The following SMOC2 variants were observed in gnomAD, a reference collection of about 807,000 sequenced individuals.
The protein encoded by SMOC2 is SPARC related modular calcium binding 2.
In SMOC2, 39 loss-of-function variants were observed where a neutral mutation model predicts 61.4. That is an observed-to-expected ratio of 0.64 (90% CI 0.49 to 0.83). The LOEUF (loss-of-function observed/expected upper bound fraction) is 0.83. Among genes scored for constraint, SMOC2 ranks in the 40% least tolerant of loss-of-function variants. The pLI is 0.00. For missense variants in SMOC2, 556 were observed against 592.9 expected (o/e 0.94, Z 0.65); for synonymous variants, 247 against 239.9 (o/e 1.03, Z -0.27).
intron 1 of SMOC2, among the ~76,000 whole-genome samples, chr6:168,455,901 C>T (rs1176262215): frequency 1.3e-5 from 2 of 152,248 alleles, no homozygotes; most frequent in Admixed American, 1.3e-4. Flanking sequence ...TAGGGTGACC[C>T]GCTCCGTGAA....
In SMOC2 at chr6:168,475,795, G is replaced by A. The variant is rs113771893; in HGVS notation, c.85-34120G>A. Among the ~76,000 whole-genome samples, 1 of 152,080 alleles carries A rather than the reference G, an allele frequency of 6.6e-6. No homozygotes were observed. The highest frequency in any genetic ancestry group is 2.4e-5 in the African/African-American group (1 of 41,438). On this transcript the variant is annotated intron_variant, in intron 1 of 12. Coordinates refer to ENST00000356284, the MANE Select transcript of SMOC2 (RefSeq NM_001166412.2). The surrounding 1 kb of genome is among the most constrained non-coding windows in gnomAD (Gnocchi z 4.6). ...GGCAGGAGAGGGAGACAACGTCTCC[G>A]GAGCCAGTGGGTGGGAGCCGCAGGG...
At chr6:168,612,661 A>G (rs1173653012) in intron 9 of SMOC2, among the ~76,000 whole-genome samples, 3 of 152,200 alleles carry the variant, frequency 2.0e-5, no homozygotes, top group African/African-American at 7.2e-5. Context: ...CTGCTGAGTG[A>G]GAGGGGAAAA....
chr6:168,557,976 C>G (rs1229885362), intron 7 of SMOC2, among the ~76,000 whole-genome samples: 1 of 152,248 alleles, frequency 6.6e-6, no homozygotes, highest in Non-Finnish European at 1.5e-5. Flanking sequence ...GACAGGCACA[C>G]TCAGTTCCAG....
At position 168,483,991 on chromosome 6, in the gene SMOC2, G is replaced by T. The variant is rs1288034182; in HGVS notation, c.85-25924G>T. On this transcript the variant is annotated intron_variant, in intron 1 of 12. Transcript: ENST00000356284. ...AAGACCTAAAACTGTGAAACTCCTG[G>T]AAGAAAGCATAGGACAATAGCTTCA... is the stretch of plus-strand genomic sequence containing the variant. 2.0e-5 allele frequency among the ~76,000 whole-genome samples: 3 copies of T among 152,128 alleles called. No individual in the cohort carries two copies. In the East Asian group the frequency reaches 5.8e-4, roughly 29 times the overall value.
chr6:168,442,804 G>T (rs1781247274), intron 1 of SMOC2, among the ~76,000 whole-genome samples: 1 of 152,108 alleles, frequency 6.6e-6, no homozygotes, highest in Non-Finnish European at 1.5e-5. Context: ...AAATTCTTCT[G>T]CAGCAGCCCG....
rs769098630 is a variant in SMOC2, at chr6:168,652,937, A to G, written c.1011-17A>G. The G allele has an allele frequency of 1.9e-6, 3 of 1,610,010 alleles. No individual in the cohort carries two copies. The highest frequency in any genetic ancestry group is 2.5e-6 in the Non-Finnish European group (3 of 1,178,148). On this transcript the variant is annotated splice_polypyrimidine_tract_variant and intron_variant, in intron 10 of 12. Transcript: ENST00000356284. ...CCAGGGGTTTAAGCATCCTGACGGCATCTGTGTTCCTTCCAGGCTCTCAGA... is the reference window on the plus strand; with the variant it reads ...CCAGGGGTTTAAGCATCCTGACGGCGTCTGTGTTCCTTCCAGGCTCTCAGA...
chr6:168,603,091 G>A (rs1026944844), intron 8 of SMOC2, among the ~76,000 whole-genome samples: 5 of 150,962 alleles, frequency 3.3e-5, no homozygotes, highest in African/African-American at 9.7e-5. Flanking sequence ...CATGAGATCC[G>A]ATGGTTTTAT....
intron 9 of SMOC2, among the ~76,000 whole-genome samples, chr6:168,608,760 C>G (rs1216310628): frequency 1.3e-5 from 2 of 152,146 alleles, no homozygotes. Context: ...AATGCAGTCA[C>G]AAAAAGACGT....
At chr6:168,602,280 G>C (rs1264300001) in intron 8 of SMOC2, among the ~76,000 whole-genome samples, 1 of 152,194 alleles carries the variant, frequency 6.6e-6, no homozygotes, top group African/African-American at 2.4e-5. Flanking sequence ...GATGATTTCA[G>C]CGGTTCAAAG....
At chr6:168,555,726 A>G (rs1343272334) in intron 7 of SMOC2, among the ~76,000 whole-genome samples, 1 of 152,194 alleles carries the variant, frequency 6.6e-6, no homozygotes, top group Non-Finnish European at 1.5e-5. Flanking sequence ...AAGACCTCCC[A>G]GCAGCCTGCA....
At chr6:168,489,706 C>T (rs1782424678) in intron 1 of SMOC2, among the ~76,000 whole-genome samples, 1 of 151,944 alleles carries the variant, frequency 6.6e-6, no homozygotes, top group African/African-American at 2.4e-5. Flanking sequence ...ATCAAATCGT[C>T]TGGGTCCCCT....
intron 4 of SMOC2, among the ~76,000 whole-genome samples, chr6:168,538,068 C>A (rs1311631812): frequency 7.2e-6 from 1 of 139,490 alleles, no homozygotes; most frequent in Non-Finnish European, 1.5e-5. Context: ...AGGTGACTGA[C>A]CCCTGCTGGG....
chr6:168,625,089 C>A (rs1045220623), intron 9 of SMOC2, among the ~76,000 whole-genome samples: 1 of 152,212 alleles, frequency 6.6e-6, no homozygotes, highest in African/African-American at 2.4e-5. Context: ...GAAGCGCCGC[C>A]CCCGCCCTTC....
intron 7 of SMOC2, among the ~76,000 whole-genome samples, chr6:168,578,621 C>T (rs1468194055): frequency 1.3e-5 from 2 of 152,176 alleles, no homozygotes; most frequent in East Asian, 3.9e-4. Context: ...AGCATGGCTT[C>T]GTTCTGGGGT....
chr6:168,541,622 T>A (rs912971025), intron 4 of SMOC2, among the ~76,000 whole-genome samples: 3 of 152,302 alleles, frequency 2.0e-5, no homozygotes, highest in Non-Finnish European at 2.9e-5. Context: ...CATCATCTTT[T>A]CATCCCAAGG....
At chr6:168,598,285 G>A (rs185629137) in intron 7 of SMOC2, among the ~76,000 whole-genome samples, 1 of 152,350 alleles carries the variant, frequency 6.6e-6, no homozygotes. Flanking sequence ...TCTCCCCCTC[G>A]TTTGGGGGTG....
In SMOC2 at chr6:168,666,674, T is replaced by G. The variant is rs1362512508; in HGVS notation, c.*236T>G. The G allele has an allele frequency of 3.5e-6, 2 of 574,348 alleles. No individual in the cohort carries two copies. The highest frequency in any genetic ancestry group is 3.8e-5 in the African/African-American group (2 of 53,044). 35.6% of individuals were successfully genotyped at this position (574,348 alleles called of 1,614,324 possible). ...GTCCTCTTTTGACCTTGGAAATCTG[T>G]ATGTGGTGGAGAAGTATTTGAATGC... On this transcript the variant is annotated 3_prime_UTR_variant, in exon 13 of 13. Transcript: ENST00000356284.
chr6:168,527,410 C>T (rs1338050875), intron 3 of SMOC2, among the ~76,000 whole-genome samples: 1 of 152,216 alleles, frequency 6.6e-6, no homozygotes, highest in African/African-American at 2.4e-5. Context: ...CACTAGCAGT[C>T]AGTAAAGTGC....
chr6:168,641,518 C>T (rs2115261678), intron 9 of SMOC2, among the ~76,000 whole-genome samples: 1 of 152,310 alleles, frequency 6.6e-6, no homozygotes, highest in East Asian at 1.9e-4. Flanking sequence ...ACTTTAGAAA[C>T]ACACACGTTG....
Sources: allele counts gnomAD v4.1 joint callset (sites outside exome capture counted in the v4.1 genomes callset), GRCh38; gene constraint gnomAD v4.1.1; non-coding constraint Gnocchi (gnomAD v3.1); transcripts MANE v1.5; gene names NCBI Gene and HGNC (gene_info 2026-07-23, HGNC 2026-07-21).